DDX6: variants seen among roughly 807,000 people sequenced by gnomAD.
DDX6 encodes DEAD-box helicase 6.
DDX6 carries 7 observed loss-of-function variants against 60.6 expected under a neutral mutation model. That is an observed-to-expected ratio of 0.12 (90% CI 0.07 to 0.22). DDX6 has a LOEUF of 0.22. DDX6 is among the 10% of genes least tolerant of loss of function. The probability of loss-of-function intolerance (pLI) is 1.00; values close to 1 mark genes in which losing one functional copy is unlikely to be tolerated. For synonymous variants in DDX6, 207 were observed against 201.0 expected, an observed-to-expected ratio of 1.03 and a Z score of -0.25; for missense variants, 270 against 589.9, an observed-to-expected ratio of 0.46 and a Z score of 5.62.
chr11:118,768,183 T>A, intron 5 of DDX6, 40 bp downstream of exon 5: 1 of 1,591,060 alleles, frequency 6.3e-7, no homozygotes. Context: ...AGGCTGAAAC[T>A]CCCATTTTTA....
intron 1 of DDX6, chr11:118,788,580 T>C (rs1232183392): frequency 6.7e-6 from 1 of 149,934 alleles, no homozygotes; most frequent in African/African-American, 2.5e-5. Flanking sequence ...GTATTTTTAG[T>C]AAAGACGGGG....
chr11:118,757,816 CTT>C (rs1372371541), intron 9 of DDX6, among the ~76,000 whole-genome samples: 7 of 152,124 alleles, frequency 4.6e-5, no homozygotes, highest in Non-Finnish European at 8.8e-5. Context: ...GTCTTGAACT[CTT>C]GACCTCAGGT....
intron 5 of DDX6, among the ~76,000 whole-genome samples, chr11:118,765,673 G>A (rs1223035095): frequency 6.6e-6 from 1 of 152,148 alleles, no homozygotes; most frequent in African/African-American, 2.4e-5. Context: ...TACTCAGGAG[G>A]CTGAGGCAGG....
intron 12 of DDX6, 122 bp downstream of exon 12, chr11:118,755,280 G>C: frequency 3.2e-6 from 2 of 629,466 alleles, no homozygotes; most frequent in Non-Finnish European, 5.6e-6. Context: ...CCAAACAACT[G>C]AATTACTGTT....
intron 4 of DDX6, among the ~76,000 whole-genome samples, chr11:118,774,418 G>C (rs1861631946): frequency 6.6e-6 from 1 of 150,556 alleles, no homozygotes; most frequent in South Asian, 2.1e-4. Flanking sequence ...CAATGTAAAA[G>C]CTCTTTTGAG....
At chr11:118,774,437 A>C (rs548350465) in intron 4 of DDX6, among the ~76,000 whole-genome samples, 1 of 146,784 alleles carries the variant, frequency 6.8e-6, no homozygotes, top group East Asian at 2.0e-4. Flanking sequence ...AGAGCATATA[A>C]TTTTAAGTGC....
chr11:118,761,572 G>A (rs900367712), intron 7 of DDX6, among the ~76,000 whole-genome samples: 8 of 151,876 alleles, frequency 5.3e-5, no homozygotes, highest in Admixed American at 1.3e-4. Flanking sequence ...AGCTGAGATC[G>A]CACCACTGCA....
chr11:118,781,210 G>A lies in DDX6; in HGVS notation c.201-26C>T, dbSNP rs143494936. On this transcript the variant is annotated intron_variant, in intron 2 of 13. Coordinates refer to ENST00000534980, the MANE Select transcript of DDX6 (RefSeq NM_004397.6). Reference sequence around the variant, plus strand: ...CTAGAGAGAATACAGTAAACTTGAAGTATCAAAATTCATAGCATCCTAACA... The same window carrying A: ...CTAGAGAGAATACAGTAAACTTGAAATATCAAAATTCATAGCATCCTAACA... The A allele has an allele frequency of 5.1e-3, 7,450 of 1,466,936 alleles. 68 individuals are homozygous for A. Among genetic ancestry groups the A allele is most frequent in the South Asian group, 0.014 (1,204 of 83,360 alleles). The allele number at this position is 1,466,936 out of a possible 1,614,324, so 90.9% of individuals were successfully genotyped here.
intron 13 of DDX6, among the ~76,000 whole-genome samples, chr11:118,753,242 C>A (rs1860841445): frequency 6.6e-6 from 1 of 151,184 alleles, no homozygotes; most frequent in Non-Finnish European, 1.5e-5. Context: ...GTTGGCCAGG[C>A]TGGTCTTGAA....
intron 2 of DDX6, among the ~76,000 whole-genome samples, chr11:118,785,144 A>C (rs892523493): frequency 6.6e-6 from 1 of 152,192 alleles, no homozygotes; most frequent in African/African-American, 2.4e-5. Context: ...CTATAACTGA[A>C]TCTTTAAAGT....
chr11:118,786,386 GCAATGC>G lies in DDX6; in HGVS notation c.-141_-136del. On this transcript the variant is annotated 5_prime_UTR_variant, in exon 2 of 14. Coordinates refer to ENST00000534980, the MANE Select transcript of DDX6 (RefSeq NM_004397.6). ...TTGCTCAATAAATGAGTCCTTTATT[GCAATGC>G]AGGCAAGCACCTGTAAGTCTCTGAA... 4 of 644,922 alleles carry G rather than the reference GCAATGC, an allele frequency of 6.2e-6. No individual in the cohort carries two copies. Among genetic ancestry groups the G allele is most frequent in the Non-Finnish European group, 7.5e-6 (3 of 401,296 alleles). The allele number at this position is 644,922 out of a possible 1,614,324, so 39.9% of individuals were successfully genotyped here. A position where few individuals can be genotyped will look rare whatever the true frequency, so the allele number is the denominator to read the frequency against.
At chr11:118,763,188 T>C in intron 7 of DDX6, 24 bp downstream of exon 7, 1 of 1,532,526 alleles carries the variant, frequency 6.5e-7, no homozygotes, top group South Asian at 1.2e-5. Context: ...CAGAACAGTA[T>C]AATGCCAAAT....
chr11:118,769,661 C>A (rs1373100742), intron 4 of DDX6, among the ~76,000 whole-genome samples: 1 of 53,928 alleles, frequency 1.9e-5, no homozygotes, highest in Non-Finnish European at 3.8e-5. Flanking sequence ...TACAATAGAT[C>A]GTTGAAAAAG....
chr11:118,774,278 T>A (rs1174864449), intron 4 of DDX6, among the ~76,000 whole-genome samples: 1 of 152,076 alleles, frequency 6.6e-6, no homozygotes, highest in African/African-American at 2.4e-5. Context: ...GAAGTCTAGG[T>A]TCCTATAAAG....
intron 7 of DDX6, among the ~76,000 whole-genome samples, 161 bp from the exon 8 acceptor site, chr11:118,760,205 T>C (rs1291103341): frequency 2.6e-5 from 4 of 151,984 alleles, no homozygotes; most frequent in Non-Finnish European, 4.4e-5. Context: ...GAGTCAAATA[T>C]GCAGAAGGGG....
chr11:118,789,017 C>T (rs1388647556), intron 1 of DDX6: 2 of 150,912 alleles, frequency 1.3e-5, no homozygotes, highest in Non-Finnish European at 2.9e-5. Flanking sequence ...TAAAAACATA[C>T]AAAGACACGA....
chr11:118,785,677 G>A (rs1862050231), intron 2 of DDX6, among the ~76,000 whole-genome samples: 1 of 152,018 alleles, frequency 6.6e-6, no homozygotes, highest in South Asian at 2.1e-4. Flanking sequence ...GGCTTTATCT[G>A]CTGTTTAACT....
rs111501014 is a variant in DDX6 at position 118,766,264 on chromosome 11, T to TA, written c.500-910dup. On this transcript the variant is annotated intron_variant, in intron 5 of 13. Coordinates refer to ENST00000534980, the MANE Select transcript of DDX6 (RefSeq NM_004397.6). ...CAACATAGCAAGACCCCATCTCTACTAAAAAAAAAAATGAAAAAAATTAGC... is the reference window on the plus strand; with the variant it reads ...CAACATAGCAAGACCCCATCTCTACTAAAAAAAAAAAATGAAAAAAATTAGC... 9.9e-3 allele frequency among the ~76,000 whole-genome samples: 1,418 copies of TA among 142,902 alleles called. 75 individuals are homozygous for TA. In the East Asian group the frequency reaches 0.14, roughly 14 times the overall value. The allele number at this position is 142,902 out of a possible 152,430, so 93.7% of individuals were successfully genotyped here. A position where few individuals can be genotyped will look rare whatever the true frequency, so the allele number is the denominator to read the frequency against.
chr11:118,768,836 G>A (rs151187606), intron 4 of DDX6, among the ~76,000 whole-genome samples: 4 of 150,958 alleles, frequency 2.6e-5, no homozygotes, highest in African/African-American at 7.3e-5. Context: ...AGGCAACATG[G>A]AAAAACCCCA....
Sources: allele counts gnomAD v4.1 joint callset (sites outside exome capture counted in the v4.1 genomes callset), GRCh38; gene constraint gnomAD v4.1.1; transcripts MANE v1.5; gene names NCBI Gene and HGNC (gene_info 2026-07-23, HGNC 2026-07-21).